The following KCNIP4 variants were observed in gnomAD, a reference collection of about 807,000 sequenced individuals.
The protein encoded by KCNIP4 is potassium voltage-gated channel interacting protein 4.
In KCNIP4, 12 loss-of-function variants were observed where a neutral mutation model predicts 34.0. That is an observed-to-expected ratio of 0.35 (90% confidence interval 0.23 to 0.57). KCNIP4 has a LOEUF of 0.57. Ranked by LOEUF, KCNIP4 falls within the 20% of genes least tolerant of loss-of-function variation. The probability of loss-of-function intolerance (pLI) is 0.83; values close to 1 mark genes in which losing one functional copy is unlikely to be tolerated. For missense variants in KCNIP4, 238 were observed against 311.7 expected (o/e 0.76, Z 1.78); for synonymous variants, 124 against 102.2 (o/e 1.21, Z -1.29).
intron 1 of KCNIP4, among the ~76,000 whole-genome samples, chr4:21,115,408 T>C (rs1025405432): frequency 6.6e-6 from 1 of 152,208 alleles, no homozygotes; most frequent in Non-Finnish European, 1.5e-5. Context: ...TAGAGAGCTC[T>C]AAATAAATTC....
chr4:21,899,887 C>A (rs1310020100), intron 1 of KCNIP4, among the ~76,000 whole-genome samples: 1 of 151,908 alleles, frequency 6.6e-6, no homozygotes, highest in African/African-American at 2.4e-5. Context: ...AGATTCAATG[C>A]AATCTCTATT....
intron 1 of KCNIP4, among the ~76,000 whole-genome samples, chr4:21,087,821 ATTC>A (rs1392244233): frequency 6.6e-6 from 1 of 152,112 alleles, no homozygotes; most frequent in Admixed American, 6.5e-5. Context: ...ATTTCTGTTT[ATTC>A]TTCTTTTCTC....
chr4:21,434,592 C>T (rs989777789), intron 1 of KCNIP4, among the ~76,000 whole-genome samples: 2 of 151,992 alleles, frequency 1.3e-5, no homozygotes, highest in Non-Finnish European at 2.9e-5. Context: ...ACTGCCTGAG[C>T]TCTGCCTCCT....
chr4:21,663,652 AT>A (rs1177203023), intron 1 of KCNIP4, among the ~76,000 whole-genome samples: 1 of 152,180 alleles, frequency 6.6e-6, no homozygotes, highest in Non-Finnish European at 1.5e-5. Context: ...GTGGTGTCTA[AT>A]ACTCACTGAT....
chr4:20,868,152 T>C (rs551880925), intron 2 of KCNIP4, among the ~76,000 whole-genome samples: 1 of 151,854 alleles, frequency 6.6e-6, no homozygotes, highest in Non-Finnish European at 1.5e-5. Context: ...ATCAACAAGC[T>C]AAAACCAAAT....
intron 1 of KCNIP4, among the ~76,000 whole-genome samples, chr4:20,899,951 C>T (rs1726989439): frequency 6.6e-6 from 1 of 152,210 alleles, no homozygotes; most frequent in Admixed American, 6.5e-5. Context: ...TAGCATCACT[C>T]AATTCCATTC....
chr4:21,826,699 C>A (rs1478804130), intron 1 of KCNIP4, among the ~76,000 whole-genome samples: 1 of 151,956 alleles, frequency 6.6e-6, no homozygotes, highest in Admixed American at 6.6e-5. Flanking sequence ...CAATTACTCT[C>A]CTAAAACCCA....
chr4:21,863,790 A>C (rs1299940598), intron 1 of KCNIP4, among the ~76,000 whole-genome samples: 1 of 152,214 alleles, frequency 6.6e-6, no homozygotes, highest in African/African-American at 2.4e-5. Flanking sequence ...TTCCTCTATT[A>C]GCTGTGAAAG....
At chr4:21,227,232 C>G (rs148875575) in intron 1 of KCNIP4, among the ~76,000 whole-genome samples, 2 of 152,266 alleles carry the variant, frequency 1.3e-5, no homozygotes, top group African/African-American at 4.8e-5. Context: ...AAAGTCATTG[C>G]TGAGAGCAGA....
At chr4:21,121,320 T>C (rs960748174) in intron 1 of KCNIP4, among the ~76,000 whole-genome samples, 1 of 152,212 alleles carries the variant, frequency 6.6e-6, no homozygotes, top group Non-Finnish European at 1.5e-5. Flanking sequence ...AGAGTAGTTA[T>C]TTTTCATATG....
chr4:21,280,669 C>A (rs1018842413), intron 1 of KCNIP4, among the ~76,000 whole-genome samples: 5 of 152,134 alleles, frequency 3.3e-5, no homozygotes, highest in African/African-American at 1.2e-4. Context: ...ATGAAAGAAT[C>A]AACCCATCTA....
At chr4:20,972,783 G>T (rs1247054764) in intron 1 of KCNIP4, among the ~76,000 whole-genome samples, 1 of 152,132 alleles carries the variant, frequency 6.6e-6, no homozygotes, top group Non-Finnish European at 1.5e-5. Flanking sequence ...TTTAAGTCAG[G>T]CAAAAAGTTG....
chr4:21,938,433 T>C (rs1729997042), intron 1 of KCNIP4, among the ~76,000 whole-genome samples: 1 of 152,216 alleles, frequency 6.6e-6, no homozygotes, highest in South Asian at 2.1e-4. Context: ...TTGGCTCACA[T>C]TTGGGGAAGC....
intron 1 of KCNIP4, among the ~76,000 whole-genome samples, chr4:21,093,061 A>C (rs915059900): frequency 6.6e-6 from 1 of 152,236 alleles, no homozygotes. Context: ...CTATATGTAC[A>C]TTCTCAAAAG....
intron 4 of KCNIP4, among the ~76,000 whole-genome samples, chr4:20,755,284 G>A (rs887950965): frequency 6.6e-6 from 1 of 152,062 alleles, no homozygotes; most frequent in Non-Finnish European, 1.5e-5. Context: ...GCACAAAATT[G>A]TTTTAAATCC....
intron 5 of KCNIP4, among the ~76,000 whole-genome samples, chr4:20,736,237 T>C (rs1749597684): frequency 6.6e-6 from 1 of 152,190 alleles, no homozygotes; most frequent in Non-Finnish European, 1.5e-5. Flanking sequence ...CAGACTTCTA[T>C]ACTTTTTTTT....
chr4:21,939,483 T>C (rs1730072640), intron 1 of KCNIP4, among the ~76,000 whole-genome samples: 1 of 152,160 alleles, frequency 6.6e-6, no homozygotes, highest in Non-Finnish European at 1.5e-5. Context: ...CCCTGGATAT[T>C]GTATTTTACA....
At chr4:20,911,062 G>A (rs1728283481) in intron 1 of KCNIP4, among the ~76,000 whole-genome samples, 1 of 152,092 alleles carries the variant, frequency 6.6e-6, no homozygotes, top group Non-Finnish European at 1.5e-5. Context: ...TCTAACATAA[G>A]AGAAACCATA....
intron 1 of KCNIP4, among the ~76,000 whole-genome samples, chr4:21,674,934 A>T (rs1042794695): frequency 6.6e-6 from 1 of 152,170 alleles, no homozygotes; most frequent in African/African-American, 2.4e-5. Flanking sequence ...ACTGTTTTTC[A>T]TAAATGGAAG....
Sources: allele counts gnomAD v4.1 joint callset (sites outside exome capture counted in the v4.1 genomes callset), GRCh38; gene constraint gnomAD v4.1.1; transcripts MANE v1.5; gene names NCBI Gene and HGNC (gene_info 2026-07-23, HGNC 2026-07-21).